Variants in ADD2 observed in about 807,000 individuals in gnomAD.
ADD2 encodes the protein beta-adducin.
A neutral mutation model predicts 83.0 loss-of-function variants in ADD2; 23 were observed. The observed-to-expected ratio is 0.28, with a 90% CI of 0.20 to 0.39. The LOEUF (loss-of-function observed/expected upper bound fraction) is 0.39. Among genes scored for constraint, ADD2 ranks in the 10% least tolerant of loss-of-function variants. The pLI is 1.00. For missense variants in ADD2, 758 were observed against 944.9 expected (o/e 0.80, Z 2.59); for synonymous variants, 375 against 375.4 (o/e 1.00, Z 0.01).
At chr2:70,679,637 T>C (rs1670358583) in intron 10 of ADD2, among the ~76,000 whole-genome samples, 1 of 152,088 alleles carries the variant, frequency 6.6e-6, no homozygotes, top group African/African-American at 2.4e-5. Flanking sequence ...TAAATTAAAA[T>C]GACATTATTT....
intron 15 of ADD2, among the ~76,000 whole-genome samples, chr2:70,669,877 CAGACAGACAG>C (rs1669830900): frequency 6.6e-6 from 1 of 152,132 alleles, no homozygotes; most frequent in Non-Finnish European, 1.5e-5. Context: ...GACAGAGAGA[CAGACAGACAG>C]ACAGACACCC....
intron 1 of ADD2, among the ~76,000 whole-genome samples, chr2:70,720,842 G>A (rs1672698434): frequency 6.6e-6 from 1 of 152,144 alleles, no homozygotes; most frequent in African/African-American, 2.4e-5. Context: ...AGAAATGATG[G>A]CATCCCCTGC....
chr2:70,729,358 T>TGTTG (rs539837652), intron 1 of ADD2, among the ~76,000 whole-genome samples: 1 of 152,202 alleles, frequency 6.6e-6, no homozygotes, highest in Non-Finnish European at 1.5e-5. Context: ...AAGCCTTGTT[T>TGTTG]GTTGGTTGGT....
chr2:70,668,942 AAGG>A (rs1408370084), intron 15 of ADD2, among the ~76,000 whole-genome samples: 1 of 152,234 alleles, frequency 6.6e-6, no homozygotes, highest in Non-Finnish European at 1.5e-5. Flanking sequence ...TTCCAAATGC[AAGG>A]AGAACTGGTC....
At chr2:70,728,197 C>T (rs138778884) in intron 1 of ADD2, among the ~76,000 whole-genome samples, 7 of 152,316 alleles carry the variant, frequency 4.6e-5, no homozygotes, top group Non-Finnish European at 8.8e-5. Flanking sequence ...GTCCCTGAGG[C>T]CACTGCAGTG....
chr2:70,706,487 A>ATCGGGGTACACGTTTC lies in ADD2; in HGVS notation c.-34-61_-34-46dup. On this transcript the variant is annotated intron_variant, in intron 2 of 15. Coordinates refer to ENST00000264436, the MANE Select transcript of ADD2 (RefSeq NM_001617.4). This position sits in a 1 kb window ranked among gnomAD's most constrained non-coding sequence, Gnocchi z 5.0. ...GTATGCGGTCAGGTTGGTGCTCCCC[A>ATCGGGGTACACGTTTC]TCGGGGTACACGTTTCTCAGAGCAC... 6.7e-7 allele frequency: 1 copy of ATCGGGGTACACGTTTC among 1,491,054 alleles called. No homozygotes were observed. Among genetic ancestry groups the ATCGGGGTACACGTTTC allele is most frequent in the African/African-American group, 1.4e-5 (1 of 72,192 alleles). The allele number at this position is 1,491,054 out of a possible 1,614,324, so 92.4% of individuals were successfully genotyped here.
At chr2:70,741,662 G>A (rs1673917775) in intron 1 of ADD2, among the ~76,000 whole-genome samples, 1 of 152,218 alleles carries the variant, frequency 6.6e-6, no homozygotes, top group South Asian at 2.1e-4. Flanking sequence ...TCCTCCTGCT[G>A]CAGTCACCAG....
At chr2:70,762,140 A>G (rs553383798) in intron 1 of ADD2, among the ~76,000 whole-genome samples, 1 of 151,956 alleles carries the variant, frequency 6.6e-6, no homozygotes, top group Admixed American at 6.5e-5. Flanking sequence ...AAGATCTGTG[A>G]CTGTATCACA....
chr2:70,758,419 A>G lies in ADD2; in HGVS notation c.-154+9467T>C, dbSNP rs145836653. Reference sequence around the variant, plus strand: ...GGGGAGAGGGCATATAAGGAGGTGGAAAGAGTTGTTTTGGAAGGGTTGGGA... The same window carrying G: ...GGGGAGAGGGCATATAAGGAGGTGGGAAGAGTTGTTTTGGAAGGGTTGGGA... On this transcript the variant is annotated intron_variant, in intron 1 of 15. Coordinates refer to ENST00000264436, the MANE Select transcript of ADD2 (RefSeq NM_001617.4). Among the ~76,000 whole-genome samples, 559 of 151,664 alleles carry G rather than the reference A, an allele frequency of 3.7e-3. 6 individuals carry two copies. The highest frequency in any genetic ancestry group is 0.013 in the African/African-American group (543 of 41,428).
intron 12 of ADD2, among the ~76,000 whole-genome samples, chr2:70,677,290 A>C (rs1670208990): frequency 6.6e-6 from 1 of 152,076 alleles, no homozygotes; most frequent in Non-Finnish European, 1.5e-5. Flanking sequence ...TCAACTTTCA[A>C]CAAGCGCTGT....
chr2:70,734,015 AG>A (rs1553379716), intron 1 of ADD2, among the ~76,000 whole-genome samples: 1 of 152,116 alleles, frequency 6.6e-6, no homozygotes, highest in African/African-American at 2.4e-5. Flanking sequence ...TGGCCTCAGC[AG>A]TGCCTTCCGC....
At chr2:70,756,549 T>G (rs1335330743) in intron 1 of ADD2, among the ~76,000 whole-genome samples, 1 of 152,206 alleles carries the variant, frequency 6.6e-6, no homozygotes, top group East Asian at 1.9e-4. Flanking sequence ...TTAATTACCT[T>G]ATAGACAAAT....
intron 1 of ADD2, among the ~76,000 whole-genome samples, chr2:70,756,867 T>C (rs1674820358): frequency 1.3e-5 from 2 of 152,208 alleles, no homozygotes; most frequent in African/African-American, 4.8e-5. Context: ...TAGCTCTTGT[T>C]GCCCAGGCTG....
chr2:70,732,055 G>A lies in ADD2; in HGVS notation c.-153-18871C>T, dbSNP rs534189055. Among the ~76,000 whole-genome samples the A allele has an allele frequency of 2.5e-4, 38 of 152,278 alleles. No homozygotes were observed. In the South Asian group the frequency reaches 7.5e-3, roughly 30 times the overall value. ...CCTGATGCCCCAAGGTAATGTTTAT[G>A]GTCATATTTTCAATCTTCCCCTCCC... On this transcript the variant is annotated intron_variant, in intron 1 of 15. Transcript: ENST00000264436.
intron 2 of ADD2, among the ~76,000 whole-genome samples, chr2:70,708,430 T>C (rs546848614): frequency 6.6e-6 from 1 of 152,310 alleles, no homozygotes; most frequent in African/African-American, 2.4e-5. Flanking sequence ...CATCAGGATT[T>C]TTCAAAAGCT....
At chr2:70,673,042 A>C (rs528446480) in intron 14 of ADD2, 36 bp from the exon 15 acceptor site, 1 of 1,598,724 alleles carries the variant, frequency 6.3e-7, no homozygotes, top group South Asian at 1.1e-5. Context: ...GATAGAGGTC[A>C]AATAGAGAAG....
At chr2:70,742,434 T>C (rs1673966552) in intron 1 of ADD2, among the ~76,000 whole-genome samples, 1 of 152,134 alleles carries the variant, frequency 6.6e-6, no homozygotes, top group African/African-American at 2.4e-5. Flanking sequence ...TAGCTAACTT[T>C]TAATATTTAT....
chr2:70,688,841 A>G (rs191508102), intron 8 of ADD2, among the ~76,000 whole-genome samples: 2 of 152,324 alleles, frequency 1.3e-5, no homozygotes, highest in East Asian at 3.9e-4. Context: ...TCACGCCTGT[A>G]ATCCCAGCAC....
At chr2:70,735,653 G>A (rs1249476621) in intron 1 of ADD2, among the ~76,000 whole-genome samples, 2 of 150,188 alleles carry the variant, frequency 1.3e-5, no homozygotes, top group Non-Finnish European at 3.0e-5. Flanking sequence ...ATTCTTCCTT[G>A]ATCCCCACAC....
Sources: gnomAD v4.1 joint callset for allele counts (sites outside exome capture counted in the v4.1 genomes callset) on GRCh38, gnomAD v4.1.1 for gene constraint, Gnocchi (gnomAD v3.1) non-coding constraint, MANE v1.5 for transcripts, NCBI Gene and HGNC (gene_info 2026-07-23, HGNC 2026-07-21) for gene names.